The following PIK3AP1 variants were observed in gnomAD, a reference collection of about 807,000 sequenced individuals.
PIK3AP1 encodes phosphoinositide 3-kinase adapter protein 1.
A neutral mutation model predicts 88.1 loss-of-function variants in PIK3AP1; 21 were observed. The ratio of observed to expected loss-of-function variants is 0.24; its 90% CI spans 0.17 to 0.34. PIK3AP1 has a LOEUF of 0.34. Ranked by LOEUF, PIK3AP1 falls within the 10% of genes least tolerant of loss-of-function variation. PIK3AP1 has a pLI of 1.00. For synonymous variants in PIK3AP1, 398 were observed against 400.0 expected (o/e 1.00, Z 0.06); for missense variants, 828 against 1,035.7 (o/e 0.80, Z 2.75).
chr10:96,718,950 T>A (rs1844537718), intron 1 of PIK3AP1, among the ~76,000 whole-genome samples: 1 of 152,090 alleles, frequency 6.6e-6, no homozygotes, highest in African/African-American at 2.4e-5. Flanking sequence ...AAGAGCCTCC[T>A]CCCCCTGGAA....
intron 2 of PIK3AP1, among the ~76,000 whole-genome samples, chr10:96,680,716 G>C (rs1261189500): frequency 6.6e-6 from 1 of 152,098 alleles, no homozygotes; most frequent in Non-Finnish European, 1.5e-5. Context: ...CCATTAGTGG[G>C]CATTTAGGTT....
At chr10:96,617,116 C>G (rs935645285) in intron 12 of PIK3AP1, among the ~76,000 whole-genome samples, 1 of 152,200 alleles carries the variant, frequency 6.6e-6, no homozygotes, top group African/African-American at 2.4e-5. Context: ...CACTTTCTCC[C>G]TGAAGCCTCC....
chr10:96,667,338 T>A (rs577788094), intron 2 of PIK3AP1, among the ~76,000 whole-genome samples: 1 of 152,348 alleles, frequency 6.6e-6, no homozygotes, highest in Non-Finnish European at 1.5e-5. Flanking sequence ...CAAACTACTC[T>A]TGTAAGGCAG....
At chr10:96,702,562 A>C (rs1229577555) in intron 2 of PIK3AP1, among the ~76,000 whole-genome samples, 2 of 151,928 alleles carry the variant, frequency 1.3e-5, no homozygotes, top group Non-Finnish European at 2.9e-5. Flanking sequence ...ATAGTTAATA[A>C]TACCACATTT....
At chr10:96,606,287 AGCCCCTCG>A (rs1172779865) in intron 14 of PIK3AP1, among the ~76,000 whole-genome samples, 9 of 152,202 alleles carry the variant, frequency 5.9e-5, no homozygotes, top group Admixed American at 5.9e-4. Context: ...AACTAAAAGT[AGCCCCTCG>A]GGCCCACGGG....
chr10:96,627,991 T>C (rs1405046687), intron 9 of PIK3AP1, among the ~76,000 whole-genome samples: 1 of 152,224 alleles, frequency 6.6e-6, no homozygotes, highest in African/African-American at 2.4e-5. Context: ...TCTTTGTTTA[T>C]ATTTGCCTCC....
Position 96,628,397 on chromosome 10 carries a change from C to T in PIK3AP1, c.1471+1G>A. ...CTTCCCTGCTCATGGCTATGACTTA[C>T]CTTCTAAAAACTTGCGGATCATAGA... On this transcript the variant is annotated splice_donor_variant, in intron 9 of 16. Coordinates refer to ENST00000339364, the MANE Select transcript of PIK3AP1 (RefSeq NM_152309.3). LOFTEE classifies it high-confidence loss of function. 6 of 1,597,922 alleles carry T rather than the reference C, an allele frequency of 3.8e-6. No individual in the cohort carries two copies. Among genetic ancestry groups the T allele is most frequent in the Non-Finnish European group, 5.1e-6 (6 of 1,165,296 alleles).
At chr10:96,683,000 G>A (rs1276927015) in intron 2 of PIK3AP1, among the ~76,000 whole-genome samples, 1 of 152,170 alleles carries the variant, frequency 6.6e-6, no homozygotes, top group Non-Finnish European at 1.5e-5. Flanking sequence ...TCCCCCAAAT[G>A]GTGGCCATCA....
intron 1 of PIK3AP1, among the ~76,000 whole-genome samples, chr10:96,712,879 T>C (rs1844456340): frequency 6.6e-6 from 1 of 152,240 alleles, no homozygotes; most frequent in African/African-American, 2.4e-5. Context: ...TCTGCATACA[T>C]ATGCGTATCA....
intron 2 of PIK3AP1, among the ~76,000 whole-genome samples, chr10:96,706,992 T>C (rs1356209409): frequency 2.0e-5 from 3 of 152,230 alleles, no homozygotes; most frequent in Non-Finnish European, 4.4e-5. Flanking sequence ...TTTGTCCCTA[T>C]ATCCATTGAT....
In PIK3AP1 at chr10:96,676,030, C is replaced by T. The variant is rs1251074601; in HGVS notation, c.431-19096G>A. 2.6e-5 allele frequency among the ~76,000 whole-genome samples: 4 copies of T among 152,120 alleles called. No individual in the cohort carries two copies. In the East Asian group the frequency reaches 7.7e-4, roughly 29 times the overall value. ...GGGACTTTCCCAGTTTGGCTCTTTCCATGAGGGGTTGCCAGGGTGGGTTGC... is the reference window on the plus strand; with the variant it reads ...GGGACTTTCCCAGTTTGGCTCTTTCTATGAGGGGTTGCCAGGGTGGGTTGC... On this transcript the variant is annotated intron_variant, in intron 2 of 16. Coordinates refer to ENST00000339364, the MANE Select transcript of PIK3AP1 (RefSeq NM_152309.3).
At chr10:96,641,145 A>G (rs1843383885) in intron 8 of PIK3AP1, among the ~76,000 whole-genome samples, 1 of 151,278 alleles carries the variant, frequency 6.6e-6, no homozygotes, top group Admixed American at 6.6e-5. Flanking sequence ...GTATACACCC[A>G]CGCAAGCAAG....
intron 2 of PIK3AP1, among the ~76,000 whole-genome samples, chr10:96,658,576 C>T (rs1843646250): frequency 6.6e-6 from 1 of 152,156 alleles, no homozygotes; most frequent in African/African-American, 2.4e-5. Flanking sequence ...GGGGCTTCTT[C>T]CCTAGCCATG....
rs774972352 is a variant in PIK3AP1, at chr10:96,602,316, C to G, written c.2324G>C (p.Arg775Thr). 2 of 1,607,938 alleles carry G rather than the reference C, an allele frequency of 1.2e-6. No homozygotes were observed. Among genetic ancestry groups the G allele is most frequent in the Non-Finnish European group, 1.7e-6 (2 of 1,177,960 alleles). Residue 775 changes from arginine (R) to threonine (T), a missense_variant, in exon 16 of 17, where the codon AGA becomes ACA. Transcript: ENST00000339364. ...VDGTPTMSLERPPRVPPRAAS... is the reference protein window; with the variant it reads ...VDGTPTMSLETPPRVPPRAAS... Reference sequence around the variant, plus strand: ...AGCTCTCGGAGGCACCCTGGGGGGTCTCTCGAGGGACATGGTGGGTGTCCC... The same window carrying G: ...AGCTCTCGGAGGCACCCTGGGGGGTGTCTCGAGGGACATGGTGGGTGTCCC...
At chr10:96,619,039 G>A (rs574825201) in intron 12 of PIK3AP1, among the ~76,000 whole-genome samples, 1 of 152,360 alleles carries the variant, frequency 6.6e-6, no homozygotes, top group South Asian at 2.1e-4. Flanking sequence ...GGGAGCACAG[G>A]CTCTGGGGTG....
At position 96,609,838 on chromosome 10, in the gene PIK3AP1, A is replaced by T. The variant is rs1269138683; in HGVS notation, c.2044T>A (p.Ser682Thr). Residue 682 changes from serine to threonine, a missense_variant, in exon 14 of 17, where the codon TCA becomes ACA. Coordinates refer to ENST00000339364, the MANE Select transcript of PIK3AP1 (RefSeq NM_152309.3). ...DLEITVPIRHSQHLPAKVEFG... is the reference protein window; with the variant it reads ...DLEITVPIRHTQHLPAKVEFG... ...TCCACTTTTGCAGGCAGGTGCTGTG[A>T]GTGCCGAATTGGGACCGTGATCTCC... The T allele has an allele frequency of 1.4e-5, 23 of 1,614,002 alleles. No individual in the cohort carries two copies. Among genetic ancestry groups the T allele is most frequent in the Non-Finnish European group, 1.9e-5 (23 of 1,179,988 alleles).
At chr10:96,675,721 C>A (rs190338359) in intron 2 of PIK3AP1, among the ~76,000 whole-genome samples, 4 of 152,292 alleles carry the variant, frequency 2.6e-5, no homozygotes, top group African/African-American at 9.6e-5. Context: ...ATAATTCCTA[C>A]CTCTCAGGAC....
At chr10:96,627,571 C>G (rs11598635) in intron 9 of PIK3AP1, among the ~76,000 whole-genome samples, 16,002 of 152,138 alleles carry the variant, frequency 0.11, 882 homozygotes, top group Non-Finnish European at 0.13. Context: ...TTTTTCCTTC[C>G]TCTTCACTGT....
intron 3 of PIK3AP1, among the ~76,000 whole-genome samples, chr10:96,653,479 C>CTTTTTTT (rs748930022): frequency 3.2e-5 from 2 of 61,858 alleles, no homozygotes; most frequent in Non-Finnish European, 5.7e-5. Flanking sequence ...ACTTTATACA[C>CTTTTTTT]TTTTTTTTTT....
Sources: allele counts gnomAD v4.1 joint callset (sites outside exome capture counted in the v4.1 genomes callset), GRCh38; gene constraint gnomAD v4.1.1; transcripts MANE v1.5; gene names NCBI Gene and HGNC (gene_info 2026-07-23, HGNC 2026-07-21).